AATF: variants seen among roughly 807,000 people sequenced by gnomAD.
AATF encodes apoptosis antagonizing transcription factor.
In AATF, 48 loss-of-function variants were observed where a neutral mutation model predicts 63.7. That is an observed-to-expected ratio of 0.75 (90% CI 0.60 to 0.96). AATF has a LOEUF of 0.96. Among genes scored for constraint, AATF ranks in the 40% least tolerant of loss-of-function variants. The pLI is 0.00. For synonymous variants in AATF, 258 were observed against 247.7 expected, an observed-to-expected ratio of 1.04 and a Z score of -0.39; for missense variants, 639 against 685.7, an observed-to-expected ratio of 0.93 and a Z score of 0.76.
chr17:37,048,456 C>T (rs571284848), intron 11 of AATF, among the ~76,000 whole-genome samples: 13 of 150,874 alleles, frequency 8.6e-5, no homozygotes, highest in African/African-American at 2.7e-4. Flanking sequence ...CTGCAACCTC[C>T]GCCTCCCAGG....
At chr17:37,055,087 G>A (rs1208052036) in intron 11 of AATF, 1 of 152,396 alleles carries the variant, frequency 6.6e-6, no homozygotes, top group Non-Finnish European at 1.5e-5. Context: ...GTGTGTAACA[G>A]AAGAGCAGAA....
chr17:36,973,410 A>T (rs947225982), intron 4 of AATF, among the ~76,000 whole-genome samples: 1 of 152,188 alleles, frequency 6.6e-6, no homozygotes, highest in African/African-American at 2.4e-5. Flanking sequence ...CCCACTCACT[A>T]TGCATATGGT....
intron 3 of AATF, 27 bp from the exon 4 acceptor site, chr17:36,953,743 A>G (rs771116227): frequency 3.1e-6 from 5 of 1,603,406 alleles, no homozygotes; most frequent in Non-Finnish European, 3.4e-6. Flanking sequence ...ATTATTGAGG[A>G]ATGGGATTCT....
intron 4 of AATF, among the ~76,000 whole-genome samples, chr17:36,962,478 A>G (rs2070955448): frequency 6.6e-6 from 1 of 152,160 alleles, no homozygotes; most frequent in Admixed American, 6.5e-5. Context: ...CTTAAAAACT[A>G]CTGATACCAA....
At chr17:36,962,227 T>G (rs1341402963) in intron 4 of AATF, among the ~76,000 whole-genome samples, 1 of 152,224 alleles carries the variant, frequency 6.6e-6, no homozygotes, top group African/African-American at 2.4e-5. Flanking sequence ...TATCTATTTA[T>G]TAGAGAGTGA....
At chr17:37,017,243 T>C (rs2071435588) in intron 8 of AATF, among the ~76,000 whole-genome samples, 1 of 152,242 alleles carries the variant, frequency 6.6e-6, no homozygotes, top group Non-Finnish European at 1.5e-5. Flanking sequence ...ATCTTTTGTA[T>C]GGCTGGAACG....
intron 4 of AATF, among the ~76,000 whole-genome samples, chr17:36,973,298 T>A (rs1597706748): frequency 1.3e-5 from 2 of 152,174 alleles, no homozygotes; most frequent in East Asian, 3.9e-4. Context: ...ATCCTTTTTT[T>A]AAAGGACTGT....
intron 3 of AATF, 152 bp downstream of exon 3, chr17:36,953,448 C>A: frequency 7.3e-7 from 1 of 1,362,482 alleles, no homozygotes; most frequent in Non-Finnish European, 9.8e-7. Context: ...AAGCCCTATT[C>A]CTGTATGCTT....
At chr17:37,003,471 CTTTTTTTTT>C (rs1163393533) in intron 8 of AATF, among the ~76,000 whole-genome samples, 1 of 96,646 alleles carries the variant, frequency 1.0e-5, no homozygotes, top group Non-Finnish European at 1.9e-5. Flanking sequence ...TTGACAAGAA[CTTTTTTTTT>C]TTTTTTTTTT....
chr17:36,961,137 A>G (rs568005555), intron 4 of AATF, among the ~76,000 whole-genome samples: 10 of 152,340 alleles, frequency 6.6e-5, no homozygotes, highest in East Asian at 1.9e-4. Context: ...TCATGTCAGT[A>G]TATTTAGATG....
At chr17:37,055,346 G>C (rs1040112019) in intron 11 of AATF, 1 of 152,108 alleles carries the variant, frequency 6.6e-6, no homozygotes, top group African/African-American at 2.4e-5. Flanking sequence ...CTTTTTTAAA[G>C]CTTTGATACT....
chr17:37,053,040 A>G (rs1164587888), intron 11 of AATF, among the ~76,000 whole-genome samples: 1 of 152,214 alleles, frequency 6.6e-6, no homozygotes, highest in Non-Finnish European at 1.5e-5. Context: ...TGGCATTGCT[A>G]TGCCAGAACT....
chr17:36,995,449 TGGTAGA>T (rs2142257010), intron 8 of AATF, among the ~76,000 whole-genome samples: 1 of 152,334 alleles, frequency 6.6e-6, no homozygotes, highest in East Asian at 1.9e-4. Flanking sequence ...ACAGGTGATG[TGGTAGA>T]ATTGTATGCA....
chr17:37,012,941 G>A (rs1048798997), intron 8 of AATF, among the ~76,000 whole-genome samples: 4 of 152,126 alleles, frequency 2.6e-5, no homozygotes, highest in African/African-American at 9.7e-5. Context: ...CCTTGGGTTA[G>A]GCAATGGTTT....
chr17:36,953,218 G>C lies in AATF; in HGVS notation c.616G>C (p.Asp206His). Residue 206 changes from aspartate to histidine, a missense_variant, in exon 3 of 12, where the codon GAT becomes CAT. Coordinates refer to ENST00000619387, the MANE Select transcript of AATF (RefSeq NM_012138.4). The part of the protein sequence containing the change: ...DRAGDRNSED[D>H]GVVMTFSSVK... ...GGCTGGAGATAGAAACAGTGAGGAT[G>C]ATGGTGTGGTGATGACCTTCTCTAG... 2 of 1,614,206 alleles carry C rather than the reference G, an allele frequency of 1.2e-6. No homozygotes were observed. The highest frequency in any genetic ancestry group is 1.7e-6 in the Non-Finnish European group (2 of 1,180,040).
intron 4 of AATF, among the ~76,000 whole-genome samples, chr17:36,965,239 G>T (rs2070982139): frequency 1.3e-5 from 2 of 152,100 alleles, no homozygotes; most frequent in Admixed American, 1.3e-4. Flanking sequence ...GTGTCAGCAG[G>T]GCTTTGTTCC....
At chr17:36,991,533 G>C (rs1361430362) in intron 8 of AATF, among the ~76,000 whole-genome samples, 2 of 151,400 alleles carry the variant, frequency 1.3e-5, no homozygotes, top group Non-Finnish European at 2.9e-5. Context: ...CATTTGGGCT[G>C]TTCTAGAGAA....
chr17:37,049,944 G>A (rs1160509570), intron 11 of AATF, among the ~76,000 whole-genome samples: 2 of 152,148 alleles, frequency 1.3e-5, no homozygotes, highest in Non-Finnish European at 2.9e-5. Context: ...TTGGGCTCAC[G>A]AGGGCTGCGG....
chr17:36,990,728 A>G (rs1224347014), intron 7 of AATF, 46 bp from the exon 8 acceptor site: 1 of 1,175,006 alleles, frequency 8.5e-7, no homozygotes, highest in Non-Finnish European at 1.2e-6. Flanking sequence ...CATTAGTTAG[A>G]TAGCCTTGTT....
Sources: gnomAD v4.1 joint callset for allele counts (sites outside exome capture counted in the v4.1 genomes callset) on GRCh38, gnomAD v4.1.1 for gene constraint, MANE v1.5 for transcripts, NCBI Gene and HGNC (gene_info 2026-07-23, HGNC 2026-07-21) for gene names.